RABGAP1L: variants seen among roughly 807,000 people sequenced by gnomAD.
RABGAP1L encodes the protein rab GTPase-activating protein 1-like.
A neutral mutation model predicts 137.7 loss-of-function variants in RABGAP1L; 63 were observed. That is an observed-to-expected ratio of 0.46 (90% confidence interval 0.37 to 0.56). The LOEUF (loss-of-function observed/expected upper bound fraction) is 0.56. RABGAP1L is among the 20% of genes least tolerant of loss of function. The pLI, the probability that RABGAP1L is intolerant of heterozygous loss-of-function variation, is 0.00. For synonymous variants in RABGAP1L, 431 were observed against 433.7 expected (o/e 0.99, Z 0.08); for missense variants, 1,095 against 1,244.0 (o/e 0.88, Z 1.80).
chr1:174,619,512 G>C (rs143248987), intron 13 of RABGAP1L, among the ~76,000 whole-genome samples: 1 of 152,202 alleles, frequency 6.6e-6, no homozygotes, highest in East Asian at 1.9e-4. Flanking sequence ...AGAATTTTCA[G>C]CCCAGAATTT....
intron 7 of RABGAP1L, among the ~76,000 whole-genome samples, chr1:174,264,435 A>T (rs1673876790): frequency 6.6e-6 from 1 of 152,128 alleles, no homozygotes; most frequent in African/African-American, 2.4e-5. Context: ...CAGTCTCATG[A>T]CTTTAAATAT....
At chr1:174,355,380 G>A (rs1571374833) in intron 11 of RABGAP1L, among the ~76,000 whole-genome samples, 1 of 149,514 alleles carries the variant, frequency 6.7e-6, no homozygotes, top group South Asian at 2.1e-4. Flanking sequence ...ACCAAACACT[G>A]CATGTTCTCA....
At position 174,993,417 on chromosome 1, in the gene RABGAP1L, GTATTAA is replaced by G; in HGVS notation, c.*3421_*3426del. The G allele has an allele frequency of 7.1e-6, 1 of 141,678 alleles. No homozygotes were observed. The highest frequency in any genetic ancestry group is 3.2e-5 in the African/African-American group (1 of 31,182). The allele number at this position is 141,678 out of a possible 1,614,324, so 8.8% of individuals were successfully genotyped here. On this transcript the variant is annotated 3_prime_UTR_variant, in exon 26 of 26. Coordinates refer to ENST00000681986, the MANE Select transcript of RABGAP1L (RefSeq NM_001366446.1). ...TCTTGTTTCATTTTTTTCCTATGAT[GTATTAA>G]TATTTATTTTTCTCCAACCCCTGCT...
At chr1:174,810,950 T>A (rs1164922437) in intron 18 of RABGAP1L, among the ~76,000 whole-genome samples, 1 of 151,610 alleles carries the variant, frequency 6.6e-6, no homozygotes, top group African/African-American at 2.4e-5. Flanking sequence ...AAAAAAATTA[T>A]AAGTAGCTGG....
intron 13 of RABGAP1L, among the ~76,000 whole-genome samples, chr1:174,461,209 C>T (rs1392774508): frequency 6.6e-6 from 1 of 152,116 alleles, no homozygotes; most frequent in African/African-American, 2.4e-5. Flanking sequence ...ACTGGCCTTT[C>T]AAGGTAGGGG....
chr1:174,433,372 TATTA>T (rs1223781988), intron 13 of RABGAP1L, among the ~76,000 whole-genome samples: 1 of 152,264 alleles, frequency 6.6e-6, no homozygotes, highest in Non-Finnish European at 1.5e-5. Context: ...TGTTTTGACC[TATTA>T]ATTTTGTTTT....
At chr1:174,878,380 C>T (rs536724851) in intron 19 of RABGAP1L, among the ~76,000 whole-genome samples, 1 of 152,200 alleles carries the variant, frequency 6.6e-6, no homozygotes, top group African/African-American at 2.4e-5. Flanking sequence ...GCATGCGCCA[C>T]CATGCCTGGC....
At chr1:174,627,725 G>A (rs1378007713) in intron 13 of RABGAP1L, among the ~76,000 whole-genome samples, 1 of 152,196 alleles carries the variant, frequency 6.6e-6, no homozygotes, top group Non-Finnish European at 1.5e-5. Context: ...TAGTTTCTCT[G>A]TGATGATAAT....
intron 4 of RABGAP1L, chr1:174,239,080 C>A (rs968137147): frequency 8.4e-5 from 13 of 154,464 alleles, no homozygotes; most frequent in South Asian, 4.0e-4. Context: ...GAACTCCCTG[C>A]CCCCTTGCGC....
chr1:174,305,194 G>T, intron 11 of RABGAP1L, 67 bp downstream of exon 11: 1 of 1,416,960 alleles, frequency 7.1e-7, no homozygotes. Flanking sequence ...CTTCAGAGGA[G>T]GTGTGTGTGT....
chr1:174,769,242 TTGC>T (rs1480307857), intron 18 of RABGAP1L, among the ~76,000 whole-genome samples: 1 of 152,088 alleles, frequency 6.6e-6, no homozygotes, highest in Non-Finnish European at 1.5e-5. Flanking sequence ...CAATGGATAC[TTGC>T]TGCTGATTGG....
chr1:174,576,427 C>G (rs1668379608), intron 13 of RABGAP1L, among the ~76,000 whole-genome samples: 1 of 152,150 alleles, frequency 6.6e-6, no homozygotes, highest in Non-Finnish European at 1.5e-5. Context: ...GGATAGGAAT[C>G]TTGGTGATGT....
At chr1:174,534,417 C>G (rs1017206350) in intron 13 of RABGAP1L, among the ~76,000 whole-genome samples, 1 of 151,810 alleles carries the variant, frequency 6.6e-6, no homozygotes, top group Non-Finnish European at 1.5e-5. Context: ...TACATATGTA[C>G]CTATGATGGT....
intron 13 of RABGAP1L, among the ~76,000 whole-genome samples, chr1:174,528,646 T>C (rs115469740): frequency 0.014 from 2,056 of 152,010 alleles, 47 homozygotes; most frequent in African/African-American, 0.046. Context: ...TAGAAGTATT[T>C]CTTTGTCTTT....
intron 13 of RABGAP1L, among the ~76,000 whole-genome samples, chr1:174,583,250 A>G (rs968374764): frequency 6.6e-6 from 1 of 152,146 alleles, no homozygotes; most frequent in Admixed American, 6.5e-5. Flanking sequence ...TCCTTATTCT[A>G]TGTCCATATG....
intron 1 of RABGAP1L, among the ~76,000 whole-genome samples, chr1:174,165,572 C>T (rs1210254567): frequency 6.6e-6 from 1 of 151,666 alleles, no homozygotes; most frequent in East Asian, 1.9e-4. Flanking sequence ...CATCACAGCT[C>T]ACTGCATCCT....
At chr1:174,623,314 A>G (rs932920892) in intron 13 of RABGAP1L, among the ~76,000 whole-genome samples, 3 of 152,188 alleles carry the variant, frequency 2.0e-5, no homozygotes, top group African/African-American at 7.2e-5. Flanking sequence ...GTGGAGTCTA[A>G]CCAACAGCAA....
At chr1:174,835,851 A>G (rs533025631) in intron 19 of RABGAP1L, among the ~76,000 whole-genome samples, 30 of 150,354 alleles carry the variant, frequency 2.0e-4, no homozygotes, top group Middle Eastern at 6.8e-3. Context: ...CTGGTTATGT[A>G]AAAAAAAAAT....
intron 5 of RABGAP1L, chr1:174,246,421 G>A (rs2148578210): frequency 1.3e-5 from 2 of 152,278 alleles, no homozygotes; most frequent in South Asian, 2.1e-4. Context: ...CATGGTATGT[G>A]TTTTTAATTT....
Sources: allele counts gnomAD v4.1 joint callset (sites outside exome capture counted in the v4.1 genomes callset), GRCh38; gene constraint gnomAD v4.1.1; transcripts MANE v1.5; gene names NCBI Gene and HGNC (gene_info 2026-07-23, HGNC 2026-07-21).